CD46: variants seen among roughly 807,000 people sequenced by gnomAD.
CD46 encodes the protein membrane cofactor protein.
In CD46, 30 loss-of-function variants were observed where a neutral mutation model predicts 53.3. The ratio of observed to expected loss-of-function variants is 0.56; its 90% CI spans 0.42 to 0.76. The LOEUF (loss-of-function observed/expected upper bound fraction) is 0.76. CD46 is among the 30% of genes least tolerant of loss of function. The pLI, the probability that CD46 is intolerant of heterozygous loss-of-function variation, is 0.00. For missense variants in CD46, 409 were observed against 463.0 expected (o/e 0.88, Z 1.07); for synonymous variants, 142 against 152.0 (o/e 0.93, Z 0.48).
intron 8 of CD46, among the ~76,000 whole-genome samples, chr1:207,775,571 A>G (rs193214309): frequency 6.6e-6 from 1 of 152,080 alleles, no homozygotes; most frequent in African/African-American, 2.4e-5. Flanking sequence ...GTTGATGTTG[A>G]TGCTATTCCT....
intron 2 of CD46, 33 bp downstream of exon 2, chr1:207,757,235 T>G: frequency 6.4e-7 from 1 of 1,555,978 alleles, no homozygotes; most frequent in East Asian, 2.2e-5. Context: ...TTTTTCTGCT[T>G]GCTCTAGAGA....
At chr1:207,784,765 C>G (rs1369346129) in intron 9 of CD46, among the ~76,000 whole-genome samples, 1 of 152,166 alleles carries the variant, frequency 6.6e-6, no homozygotes, top group Non-Finnish European at 1.5e-5. Context: ...CAAACACATT[C>G]TTCTTCACAT....
chr1:207,755,748 G>A (rs1172047753), intron 1 of CD46, among the ~76,000 whole-genome samples: 1 of 152,218 alleles, frequency 6.6e-6, no homozygotes, highest in African/African-American at 2.4e-5. Context: ...CACCTGCCAG[G>A]ATACCAGAAG....
rs573597942 is a variant in CD46, at chr1:207,777,232, A to G, written c.944-6060A>G. Among the ~76,000 whole-genome samples, 7 of 152,314 alleles carry G rather than the reference A, an allele frequency of 4.6e-5. 1 individual carries two copies. The highest frequency in any genetic ancestry group is 4.1e-4 in the South Asian group (2 of 4,826). Reference sequence around the variant, plus strand: ...AGAATTTCAAACATTACAAAAGTATATAGAGTAAAAGATTAGTTTTATTTT... The same window carrying G: ...AGAATTTCAAACATTACAAAAGTATGTAGAGTAAAAGATTAGTTTTATTTT... On this transcript the variant is annotated intron_variant, in intron 8 of 12. Coordinates refer to ENST00000367042, the MANE Select transcript of CD46 (RefSeq NM_172351.3).
intron 5 of CD46, among the ~76,000 whole-genome samples, chr1:207,765,963 T>C (rs1162545698): frequency 6.6e-6 from 1 of 152,204 alleles, no homozygotes; most frequent in Non-Finnish European, 1.5e-5. Context: ...GGACTCGTAC[T>C]CAGCAATAAA....
intron 8 of CD46, among the ~76,000 whole-genome samples, chr1:207,778,653 T>C (rs1281601526): frequency 3.9e-5 from 6 of 152,222 alleles, no homozygotes; most frequent in African/African-American, 1.4e-4. Context: ...ATATGCCTGT[T>C]TTTGTACCAG....
chr1:207,759,703 G>A lies in CD46; in HGVS notation c.454G>A (p.Gly152Ser), dbSNP rs374175612. 35 of 1,605,246 alleles carry A rather than the reference G, an allele frequency of 2.2e-5. No individual in the cohort carries two copies. Among genetic ancestry groups the A allele is most frequent in the Admixed American group, 1.5e-4 (9 of 59,912 alleles). The change falls in exon 4 of 13, where the codon GGT becomes AGT. Residue 152 changes from glycine (G) to serine (S), a missense_variant. Physicochemically the swap from Gly to Ser is moderately conservative, Grantham distance 56. Transcript: ENST00000367042. ...ELKGSVAIWS[G>S]KPPICEKVLC... ...TAAAGGATCAGTAGCAATTTGGAGC[G>A]GTAAGCCCCCAATATGTGAAAGTAA... is the stretch of plus-strand genomic sequence containing the variant.
chr1:207,785,151 G>T, intron 10 of CD46, 45 bp downstream of exon 10: 2 of 1,366,622 alleles, frequency 1.5e-6, no homozygotes, highest in East Asian at 4.6e-5. Flanking sequence ...AAAAATTATT[G>T]TGAAGACATG....
intron 8 of CD46, among the ~76,000 whole-genome samples, chr1:207,773,061 T>A (rs1199140583): frequency 6.6e-6 from 1 of 152,208 alleles, no homozygotes; most frequent in African/African-American, 2.4e-5. Context: ...CTATTAATTA[T>A]TGCCTCAATT....
Position 207,760,070 on chromosome 1 carries a change from G to T in CD46, c.475+346G>T, listed in dbSNP as rs543854947. On this transcript the variant is annotated intron_variant, in intron 4 of 12. Transcript: ENST00000367042. The stretch of plus-strand genomic sequence containing the variant: ...TTTTTGTAATTTTTGAAGAGACGGG[G>T]TTTTGCCATGATGCCCAGGCTGGTC... The T allele has an allele frequency of 1.8e-5, 4 of 219,524 alleles. No homozygotes were observed. In the South Asian group the frequency reaches 2.6e-4, roughly 14 times the overall value. 13.6% of individuals were successfully genotyped at this position (219,524 alleles called of 1,614,324 possible).
At chr1:207,790,232 G>T (rs768243952) in intron 11 of CD46, 21 bp from the exon 12 acceptor site, 2 of 1,318,586 alleles carry the variant, frequency 1.5e-6, no homozygotes, top group African/African-American at 1.4e-5. Context: ...TTATTCAGCC[G>T]TTTTCTCTTC....
chr1:207,755,487 A>G (rs1162125642), intron 1 of CD46, among the ~76,000 whole-genome samples: 1 of 152,254 alleles, frequency 6.6e-6, no homozygotes, highest in Non-Finnish European at 1.5e-5. Flanking sequence ...TCTCAAAGGT[A>G]GTTGCCAAAT....
chr1:207,790,346 G>A lies in CD46; in HGVS notation c.*41+1G>A, dbSNP rs754530165. Reference sequence around the variant, plus strand: ...AAAGGTTTGCTTTTATCATTAAAAGGTATCTGTTTTCTGTTGTTTATTTTC... The same window carrying A: ...AAAGGTTTGCTTTTATCATTAAAAGATATCTGTTTTCTGTTGTTTATTTTC... On this transcript the variant is annotated splice_donor_variant, in intron 12 of 12. Coordinates refer to ENST00000367042, the MANE Select transcript of CD46 (RefSeq NM_172351.3). LOFTEE classifies it low-confidence loss of function (3UTR_SPLICE). The A allele has an allele frequency of 6.8e-7, 1 of 1,463,708 alleles. No individual in the cohort carries two copies. Among genetic ancestry groups the A allele is most frequent in the South Asian group, 1.1e-5 (1 of 87,916 alleles). 90.7% of individuals were successfully genotyped at this position (1,463,708 alleles called of 1,614,324 possible).
At chr1:207,756,309 A>G (rs1352621120) in intron 1 of CD46, among the ~76,000 whole-genome samples, 5 of 152,244 alleles carry the variant, frequency 3.3e-5, no homozygotes, top group African/African-American at 7.2e-5. Context: ...GAAAAGCAAC[A>G]GACTCATCAG....
chr1:207,778,168 G>A (rs2796276), intron 8 of CD46, among the ~76,000 whole-genome samples: 92,833 of 151,888 alleles, frequency 0.61, 28,803 homozygotes, highest in East Asian at 0.91. Flanking sequence ...TTAAGTTCCT[G>A]TAAATGCTAA....
At chr1:207,787,849 G>T (rs1455187512) in intron 11 of CD46, among the ~76,000 whole-genome samples, 2 of 152,134 alleles carry the variant, frequency 1.3e-5, no homozygotes, top group African/African-American at 4.8e-5. Context: ...TGTGAGGGTG[G>T]TTTATCTTTC....
intron 2 of CD46, 139 bp from the exon 3 acceptor site, chr1:207,757,401 A>C: frequency 1.3e-6 from 1 of 777,220 alleles, no homozygotes; most frequent in Non-Finnish European, 2.2e-6. Context: ...GGTGAATATG[A>C]ATCTTAAGTT....
chr1:207,752,887 A>G lies in CD46; in HGVS notation c.97+578A>G, dbSNP rs1329815536. Among the ~76,000 whole-genome samples the G allele has an allele frequency of 6.6e-6, 1 of 151,784 alleles. No homozygotes were observed. The highest frequency in any genetic ancestry group is 2.4e-5 in the African/African-American group (1 of 41,270). ...GTGTGCAGAGTTCACTGTGGGCAAG[A>G]CAGCTCAACTGTTTGCTTTGAATGG... On this transcript the variant is annotated intron_variant, in intron 1 of 12. Coordinates refer to ENST00000367042, the MANE Select transcript of CD46 (RefSeq NM_172351.3). The surrounding 1 kb of genome is among the most constrained non-coding windows in gnomAD (Gnocchi z 4.1).
In CD46 at chr1:207,793,541, T is replaced by A. The variant is rs1659997642; in HGVS notation, c.*64T>A. 1.2e-6 allele frequency: 2 copies of A among 1,613,868 alleles called. No individual in the cohort carries two copies. Among genetic ancestry groups the A allele is most frequent in the African/African-American group, 1.3e-5 (1 of 74,934 alleles). ...CAGGAAAGCAGATGGTGGAGCTGAA[T>A]ATGCCACTTACCAGACTAAATCAAC... On this transcript the variant is annotated 3_prime_UTR_variant, in exon 13 of 13. Transcript: ENST00000367042.
Sources: allele counts gnomAD v4.1 joint callset (sites outside exome capture counted in the v4.1 genomes callset), GRCh38; gene constraint gnomAD v4.1.1; non-coding constraint Gnocchi (gnomAD v3.1); transcripts MANE v1.5; gene names NCBI Gene and HGNC (gene_info 2026-07-23, HGNC 2026-07-21).